CACNB2: variants seen among roughly 807,000 people sequenced by gnomAD.
CACNB2 encodes the protein calcium voltage-gated channel auxiliary subunit beta 2, also known as voltage-dependent L-type calcium channel subunit beta-2.
Under a neutral mutation model 73.3 loss-of-function variants are expected in CACNB2, and 42 were observed. The observed-to-expected ratio is 0.57, with a 90% CI of 0.45 to 0.74. The LOEUF (loss-of-function observed/expected upper bound fraction) is 0.74, where lower values mean the gene tolerates loss of function less well. Ranked by LOEUF, CACNB2 falls within the 30% of genes least tolerant of loss-of-function variation. CACNB2 has a pLI of 0.00. For synonymous variants in CACNB2, 348 were observed against 310.3 expected (o/e 1.12, Z -1.28); for missense variants, 940 against 853.0 (o/e 1.10, Z -1.27).
chr10:18,166,692 T>A (rs1486506676), intron 2 of CACNB2, among the ~76,000 whole-genome samples: 1 of 152,032 alleles, frequency 6.6e-6, no homozygotes, highest in Non-Finnish European at 1.5e-5. Context: ...GGGCCCCAGG[T>A]GGCTCTAGAA....
rs2044020600 is a variant in CACNB2, at chr10:18,401,962, C to T, written c.252C>T (p.Ser84=). 6.2e-7 allele frequency: 1 copy of T among 1,613,914 alleles called. No homozygotes were observed. Among genetic ancestry groups the T allele is most frequent in the Non-Finnish European group, 8.5e-7 (1 of 1,179,816 alleles). The change falls in exon 3 of 14, where the codon TCC becomes TCT. Residue 84 remains serine (S), a synonymous_variant. Transcript: ENST00000324631. The part of the protein sequence containing the change: ...ADSYTSRPSD[S]DVSLEEDREA... ...CCTACACTAGCCGTCCATCCGATTC[C>T]GATGTATCTCTGGAGGAGGACCGGG...
At chr10:18,196,293 C>CTTTTTT (rs374846564) in intron 2 of CACNB2, among the ~76,000 whole-genome samples, 1 of 136,748 alleles carries the variant, frequency 7.3e-6, no homozygotes, top group Non-Finnish European at 1.5e-5. Flanking sequence ...ACCAACAAAA[C>CTTTTTT]TTTTTTTTTT....
At chr10:18,297,699 C>G (rs2039334640) in intron 2 of CACNB2, among the ~76,000 whole-genome samples, 1 of 152,174 alleles carries the variant, frequency 6.6e-6, no homozygotes, top group Non-Finnish European at 1.5e-5. Context: ...TACCTTCTTC[C>G]CCTTGGGTTT....
At chr10:18,155,923 C>T (rs1260885441) in intron 2 of CACNB2, among the ~76,000 whole-genome samples, 1 of 147,530 alleles carries the variant, frequency 6.8e-6, no homozygotes. Context: ...ATATATATGT[C>T]AATATGCCAT....
intron 2 of CACNB2, among the ~76,000 whole-genome samples, chr10:18,183,637 A>G (rs1757210): frequency 0.29 from 44,284 of 151,754 alleles, 6,805 homozygotes; most frequent in African/African-American, 0.41. Flanking sequence ...CATGGGAAAA[A>G]CCCACCCCCA....
rs186525262 is a variant in CACNB2 at position 18,150,462 on chromosome 10, G to A, written c.121-421G>A. Among the ~76,000 whole-genome samples, 56 of 152,274 alleles carry A rather than the reference G, an allele frequency of 3.7e-4. No individual in the cohort carries two copies. The East Asian group carries it at 9.8e-3, about 27-fold the overall frequency. On this transcript the variant is annotated intron_variant, in intron 1 of 13. Transcript: ENST00000324631. The stretch of plus-strand genomic sequence containing the variant: ...GCGGATCACCTGAGGTTGGGAGTTC[G>A]AGACCACCCTGACCAACATGGAGAA...
intron 2 of CACNB2, chr10:18,206,777 G>A (rs190835393): frequency 3.3e-5 from 5 of 152,374 alleles, no homozygotes; most frequent in African/African-American, 1.2e-4. Flanking sequence ...GGAGGGTAAT[G>A]CCGGGCTCCA....
intron 2 of CACNB2, among the ~76,000 whole-genome samples, chr10:18,287,589 G>A (rs1051594513): frequency 1.3e-5 from 2 of 152,204 alleles, no homozygotes; most frequent in Middle Eastern, 3.4e-3. Context: ...AGTGGCTCAC[G>A]CCTGTAATCC....
chr10:18,530,048 A>G (rs2052842481), intron 10 of CACNB2, among the ~76,000 whole-genome samples: 1 of 152,180 alleles, frequency 6.6e-6, no homozygotes, highest in East Asian at 1.9e-4. Flanking sequence ...AAACCATTAG[A>G]TCTCATGAGA....
In CACNB2 at chr10:18,140,622, G is replaced by A; in HGVS notation, c.-115G>A. ...GCGGGGCGCTGCGCCGAGAACGGCC[G>A]GGCCTGAGCCCTGGGCGGCCCCCAG... On this transcript the variant is annotated 5_prime_UTR_variant, in exon 1 of 14. Coordinates refer to ENST00000324631, the MANE Select transcript of CACNB2 (RefSeq NM_201596.3). 1 of 832,610 alleles carries A rather than the reference G, an allele frequency of 1.2e-6. No homozygotes were observed. 51.6% of individuals were successfully genotyped at this position (832,610 alleles called of 1,614,324 possible). A position where few individuals can be genotyped will look rare whatever the true frequency, so the allele number is the denominator to read the frequency against.
At chr10:18,487,622 G>A (rs2049134066) in intron 3 of CACNB2, among the ~76,000 whole-genome samples, 1 of 152,032 alleles carries the variant, frequency 6.6e-6, no homozygotes, top group Non-Finnish European at 1.5e-5. Flanking sequence ...ATCATCTGAG[G>A]TCAGGAGTTA....
intron 2 of CACNB2, among the ~76,000 whole-genome samples, chr10:18,382,066 T>C (rs2043042112): frequency 6.6e-6 from 1 of 152,064 alleles, no homozygotes; most frequent in Non-Finnish European, 1.5e-5. Flanking sequence ...CAAAATTAAA[T>C]GTGTTATAAA....
At position 18,516,465 on chromosome 10, in the gene CACNB2, A is replaced by T. The variant is rs2133145336; in HGVS notation, c.805-1871A>T. Among the ~76,000 whole-genome samples the T allele has an allele frequency of 2.0e-5, 3 of 152,322 alleles. No individual in the cohort carries two copies. In the South Asian group the frequency reaches 6.2e-4, roughly 32 times the overall value. On this transcript the variant is annotated intron_variant, in intron 7 of 13. Transcript: ENST00000324631. ...GGGCCACTTCAGAATTAAAGTCTTGAGATAAAATTTCTTGGTAGCTGTTAC... is the reference window on the plus strand; with the variant it reads ...GGGCCACTTCAGAATTAAAGTCTTGTGATAAAATTTCTTGGTAGCTGTTAC...
At chr10:18,330,148 T>C (rs1050282939) in intron 2 of CACNB2, among the ~76,000 whole-genome samples, 1 of 152,212 alleles carries the variant, frequency 6.6e-6, no homozygotes, top group African/African-American at 2.4e-5. Flanking sequence ...GCCAGATTTA[T>C]GTTTTAAAAA....
At chr10:18,399,277 C>T (rs2043869654) in intron 2 of CACNB2, among the ~76,000 whole-genome samples, 1 of 152,114 alleles carries the variant, frequency 6.6e-6, no homozygotes, top group Non-Finnish European at 1.5e-5. Flanking sequence ...AATCCCCTAC[C>T]AGGTGTGTAT....
chr10:18,381,772 T>G (rs2043029117), intron 2 of CACNB2, among the ~76,000 whole-genome samples: 1 of 151,824 alleles, frequency 6.6e-6, no homozygotes, highest in Non-Finnish European at 1.5e-5. Flanking sequence ...ATTGTATTAA[T>G]GAGTGTTGTG....
At chr10:18,488,010 T>A (rs536409117) in intron 3 of CACNB2, among the ~76,000 whole-genome samples, 91 of 151,086 alleles carry the variant, frequency 6.0e-4, no homozygotes, top group Middle Eastern at 3.4e-3. Context: ...GGTTTCACCA[T>A]GTTGCACTGG....
At chr10:18,253,565 CA>C (rs1380241909) in intron 2 of CACNB2, among the ~76,000 whole-genome samples, 8 of 152,130 alleles carry the variant, frequency 5.3e-5, no homozygotes, top group African/African-American at 1.9e-4. Flanking sequence ...CTTTTGCCAC[CA>C]AAAAGCTACC....
intron 2 of CACNB2, among the ~76,000 whole-genome samples, chr10:18,257,895 C>T (rs1027260111): frequency 2.6e-5 from 4 of 152,172 alleles, no homozygotes; most frequent in African/African-American, 7.2e-5. Flanking sequence ...AGACATGTGC[C>T]ACCCTGCCCA....
Sources: allele counts gnomAD v4.1 joint callset (sites outside exome capture counted in the v4.1 genomes callset), GRCh38; gene constraint gnomAD v4.1.1; transcripts MANE v1.5; gene names NCBI Gene and HGNC (gene_info 2026-07-23, HGNC 2026-07-21).